The following ANO3 variants were observed in gnomAD, a reference collection of about 807,000 sequenced individuals.
ANO3 encodes the protein anoctamin-3.
In ANO3, 99 loss-of-function variants were observed where a neutral mutation model predicts 144.8. The observed-to-expected ratio is 0.68, with a 90% CI of 0.58 to 0.81. ANO3 has a LOEUF of 0.81. Ranked by LOEUF, ANO3 falls within the 30% of genes least tolerant of loss-of-function variation. The probability of loss-of-function intolerance (pLI) is 0.00; values close to 1 mark genes in which losing one functional copy is unlikely to be tolerated. For missense variants in ANO3, 905 were observed against 1,202.2 expected (o/e 0.75, Z 3.66); for synonymous variants, 414 against 392.6 (o/e 1.05, Z -0.64).
At chr11:26,553,386 G>A in intron 13 of ANO3, 41 bp downstream of exon 13, 1 of 1,427,128 alleles carries the variant, frequency 7.0e-7, no homozygotes, top group East Asian at 2.3e-5. Flanking sequence ...GAGCTGTACT[G>A]AGAAGCAGGC....
chr11:26,375,673 C>T (rs1030390495), intron 1 of ANO3, among the ~76,000 whole-genome samples: 1 of 152,078 alleles, frequency 6.6e-6, no homozygotes, highest in Admixed American at 6.6e-5. Context: ...AAGTAGTTTA[C>T]AGCTTAGCTT....
intron 17 of ANO3, among the ~76,000 whole-genome samples, chr11:26,610,015 G>T (rs901638439): frequency 6.6e-6 from 1 of 152,202 alleles, no homozygotes; most frequent in Non-Finnish European, 1.5e-5. Flanking sequence ...GGGTTCAAGC[G>T]ATTCTCCTGC....
chr11:26,473,792 A>T (rs60733834), intron 4 of ANO3: 7,347 of 252,466 alleles, frequency 0.029, 243 homozygotes, highest in African/African-American at 0.098. Context: ...ATAGACATTA[A>T]CCAATGACAC....
At chr11:26,536,951 CT>C (rs377711511) in intron 9 of ANO3, among the ~76,000 whole-genome samples, 37 of 150,214 alleles carry the variant, frequency 2.5e-4, no homozygotes, top group African/African-American at 6.1e-4. Flanking sequence ...CTATTTATGT[CT>C]TTTTTTGTTT....
intron 1 of ANO3, among the ~76,000 whole-genome samples, chr11:26,383,219 T>C (rs1195868772): frequency 6.6e-6 from 1 of 152,192 alleles, no homozygotes; most frequent in Non-Finnish European, 1.5e-5. Flanking sequence ...ATAATAAAAA[T>C]TAGCAGATTA....
At chr11:26,574,773 A>G (rs1565117642) in intron 14 of ANO3, among the ~76,000 whole-genome samples, 2 of 152,142 alleles carry the variant, frequency 1.3e-5, no homozygotes. Context: ...GTGCTATAAT[A>G]AGATCTTCTT....
intron 24 of ANO3, among the ~76,000 whole-genome samples, chr11:26,648,866 G>A (rs1326272727): frequency 6.6e-6 from 1 of 152,200 alleles, no homozygotes; most frequent in African/African-American, 2.4e-5. Context: ...GCCACAACAG[G>A]ATGAGCCCTG....
intron 17 of ANO3, among the ~76,000 whole-genome samples, chr11:26,623,936 G>A (rs1325860427): frequency 1.3e-5 from 2 of 151,966 alleles, no homozygotes; most frequent in African/African-American, 2.4e-5. Context: ...ACAGGCGCCC[G>A]CCAACGTGCC....
chr11:26,214,615 T>C (rs1852000842), intron 1 of ANO3, among the ~76,000 whole-genome samples: 1 of 151,906 alleles, frequency 6.6e-6, no homozygotes, highest in Admixed American at 6.6e-5. Flanking sequence ...ACTTTTAGTT[T>C]TAGAACAGAT....
intron 1 of ANO3, among the ~76,000 whole-genome samples, chr11:26,365,050 T>G (rs1385762513): frequency 6.6e-6 from 1 of 152,220 alleles, no homozygotes; most frequent in African/African-American, 2.4e-5. Context: ...ATGGGGGTAT[T>G]GGCATTGGTA....
chr11:26,525,926 T>A (rs1849151061), intron 7 of ANO3, among the ~76,000 whole-genome samples: 1 of 150,230 alleles, frequency 6.7e-6, no homozygotes, highest in African/African-American at 2.4e-5. Flanking sequence ...AAGGAGGACT[T>A]TAATCGCAAG....
intron 4 of ANO3, among the ~76,000 whole-genome samples, chr11:26,481,632 C>T (rs889346727): frequency 6.6e-6 from 1 of 151,960 alleles, no homozygotes; most frequent in African/African-American, 2.4e-5. Context: ...TAGGATGGAG[C>T]CTATTGATAA....
At chr11:26,428,908 A>G (rs1000435758) in intron 1 of ANO3, among the ~76,000 whole-genome samples, 3 of 152,200 alleles carry the variant, frequency 2.0e-5, no homozygotes, top group Non-Finnish European at 4.4e-5. Flanking sequence ...ATATAGGAAC[A>G]GCAGACATAA....
At chr11:26,579,782 T>C (rs1006031592) in intron 14 of ANO3, among the ~76,000 whole-genome samples, 1 of 152,162 alleles carries the variant, frequency 6.6e-6, no homozygotes, top group African/African-American at 2.4e-5. Context: ...CTTTTAAATA[T>C]AAGTACTTTA....
chr11:26,206,858 A>C (rs979737818), intron 1 of ANO3, among the ~76,000 whole-genome samples: 3 of 152,222 alleles, frequency 2.0e-5, no homozygotes, highest in Non-Finnish European at 4.4e-5. Context: ...AGTTTATTAT[A>C]GGTAATTTCT....
intron 1 of ANO3, among the ~76,000 whole-genome samples, chr11:26,197,878 T>C (rs1851620750): frequency 6.6e-6 from 1 of 152,176 alleles, no homozygotes; most frequent in South Asian, 2.1e-4. Context: ...TTTCTTAGGC[T>C]TCTTTTCCCT....
intron 1 of ANO3, among the ~76,000 whole-genome samples, chr11:26,438,358 AGGCTACAGAC>A (rs1028216315): frequency 2.2e-4 from 34 of 152,204 alleles, no homozygotes; most frequent in Non-Finnish European, 4.3e-4. Flanking sequence ...ATGAAAATAT[AGGCTACAGAC>A]TAAGAGAAAA....
At chr11:26,455,394 A>G (rs1171028445) in intron 3 of ANO3, among the ~76,000 whole-genome samples, 1 of 151,692 alleles carries the variant, frequency 6.6e-6, no homozygotes, top group Non-Finnish European at 1.5e-5. Context: ...TACAAAATCA[A>G]TGTACAAAAA....
chr11:26,192,044 A>T (rs983318826), intron 1 of ANO3, among the ~76,000 whole-genome samples: 1 of 152,130 alleles, frequency 6.6e-6, no homozygotes, highest in African/African-American at 2.4e-5. Flanking sequence ...TTTTTAAATG[A>T]GTTTTCTGCC....
Sources: allele counts gnomAD v4.1 joint callset (sites outside exome capture counted in the v4.1 genomes callset), GRCh38; gene constraint gnomAD v4.1.1; transcripts MANE v1.5; gene names NCBI Gene and HGNC (gene_info 2026-07-23, HGNC 2026-07-21).